The following CSGALNACT1 variants were observed in gnomAD, a reference collection of about 807,000 sequenced individuals.
CSGALNACT1 encodes the protein chondroitin sulfate N-acetylgalactosaminyltransferase 1.
Under a neutral mutation model 51.0 loss-of-function variants are expected in CSGALNACT1, and 52 were observed. The ratio of observed to expected loss-of-function variants is 1.02; its 90% CI spans 0.82 to 1.29. The LOEUF is 1.29. CSGALNACT1 is among the 50% of genes most tolerant of loss of function. The pLI is 0.00. For missense variants in CSGALNACT1, 935 were observed against 679.2 expected (o/e 1.38, Z -4.19); for synonymous variants, 341 against 254.4 (o/e 1.34, Z -3.24).
chr8:19,440,975 C>A (rs962866424), intron 5 of CSGALNACT1, among the ~76,000 whole-genome samples: 2 of 152,070 alleles, frequency 1.3e-5, no homozygotes, highest in African/African-American at 4.8e-5. Context: ...ACAATTGCTT[C>A]AAAGAGAATA....
intron 1 of CSGALNACT1, among the ~76,000 whole-genome samples, chr8:19,747,858 T>G (rs930680965): frequency 1.3e-5 from 2 of 151,938 alleles, no homozygotes; most frequent in Admixed American, 6.6e-5. Context: ...AGACTCAAAC[T>G]CAGCTTTCTC....
intron 4 of CSGALNACT1, among the ~76,000 whole-genome samples, chr8:19,490,654 T>C (rs570146316): frequency 2.6e-5 from 4 of 152,268 alleles, no homozygotes; most frequent in African/African-American, 9.6e-5. Flanking sequence ...TGGACACCTG[T>C]AGTCTCCATC....
At chr8:19,727,740 G>T (rs1253133888) in intron 1 of CSGALNACT1, among the ~76,000 whole-genome samples, 1 of 152,054 alleles carries the variant, frequency 6.6e-6, no homozygotes, top group African/African-American at 2.4e-5. Context: ...CTAACACCAT[G>T]GCTGGGTGAC....
At chr8:19,617,050 G>C (rs2154156700) in intron 1 of CSGALNACT1, among the ~76,000 whole-genome samples, 1 of 152,294 alleles carries the variant, frequency 6.6e-6, no homozygotes, top group South Asian at 2.1e-4. Context: ...CCCTGAGCTT[G>C]TTTTCCTGTA....
chr8:19,678,400 A>G (rs910519880), intron 1 of CSGALNACT1, among the ~76,000 whole-genome samples: 3 of 152,214 alleles, frequency 2.0e-5, no homozygotes, highest in African/African-American at 7.2e-5. Context: ...AAATGATTCC[A>G]GGATAAGTCA....
intron 1 of CSGALNACT1, among the ~76,000 whole-genome samples, chr8:19,669,622 TTTTG>T (rs887805554): frequency 2.6e-5 from 4 of 151,786 alleles, no homozygotes; most frequent in African/African-American, 7.3e-5. Flanking sequence ...CTGGCCAGTT[TTTTG>T]TTTGTTTGTT....
chr8:19,583,188 C>A (rs2045944893), intron 3 of CSGALNACT1, among the ~76,000 whole-genome samples: 1 of 151,850 alleles, frequency 6.6e-6, no homozygotes, highest in East Asian at 1.9e-4. Context: ...AAAAAAAAAT[C>A]CATTATTCTC....
intron 8 of CSGALNACT1, among the ~76,000 whole-genome samples, chr8:19,418,351 A>G (rs1187163236): frequency 2.6e-5 from 4 of 152,208 alleles, no homozygotes; most frequent in Non-Finnish European, 5.9e-5. Context: ...GCAAAAATCA[A>G]GAGAAACTGT....
upstream of CSGALNACT1, among the ~76,000 whole-genome samples, chr8:19,686,575 G>A (rs975861427): frequency 2.6e-5 from 4 of 152,170 alleles, no homozygotes; most frequent in African/African-American, 9.7e-5. Flanking sequence ...CACATAGAAG[G>A]CAAGTCCCAG....
chr8:19,469,354 G>A (rs564193077), intron 4 of CSGALNACT1, among the ~76,000 whole-genome samples: 1 of 152,234 alleles, frequency 6.6e-6, no homozygotes, highest in African/African-American at 2.4e-5. Flanking sequence ...GTGCACCACT[G>A]CACTGCAGCC....
intron 5 of CSGALNACT1, among the ~76,000 whole-genome samples, chr8:19,442,974 T>C (rs1019450633): frequency 6.6e-6 from 1 of 152,128 alleles, no homozygotes; most frequent in African/African-American, 2.4e-5. Context: ...GCAGATATCA[T>C]CACCTTCACC....
At chr8:19,626,200 A>T (rs1224173604) in intron 1 of CSGALNACT1, among the ~76,000 whole-genome samples, 1 of 152,234 alleles carries the variant, frequency 6.6e-6, no homozygotes, top group Non-Finnish European at 1.5e-5. Flanking sequence ...TCAACACAGC[A>T]TGGTATTTGC....
intron 1 of CSGALNACT1, among the ~76,000 whole-genome samples, chr8:19,751,264 G>A (rs762133154): frequency 9.2e-5 from 14 of 152,018 alleles, no homozygotes; most frequent in South Asian, 4.1e-4. Context: ...AAATCTTAGC[G>A]TTCTCATCCG....
At chr8:19,686,818 G>T (rs903757946), upstream of CSGALNACT1, among the ~76,000 whole-genome samples, 2 of 152,148 alleles carry the variant, frequency 1.3e-5, no homozygotes, top group South Asian at 4.1e-4. Flanking sequence ...ACTGCCCTGG[G>T]AAAGTAACAG....
chr8:19,567,528 C>G (rs1373512934), intron 3 of CSGALNACT1, among the ~76,000 whole-genome samples: 1 of 152,190 alleles, frequency 6.6e-6, no homozygotes, highest in African/African-American at 2.4e-5. Flanking sequence ...AGACATTACA[C>G]TTATTGGGGA....
At position 19,588,740 on chromosome 8, in the gene CSGALNACT1, C is replaced by A. The variant is rs190504889; in HGVS notation, c.-297+2420G>T. Among the ~76,000 whole-genome samples the A allele has an allele frequency of 1.3e-4, 20 of 152,218 alleles. 1 individual carries two copies. In the East Asian group the frequency reaches 2.3e-3, roughly 18 times the overall value. ...AAGGTTGGCACTGAAAGAAATTATT[C>A]CAGCTGCTCTGTGCATGACATGAGT... is the stretch of plus-strand genomic sequence containing the variant. On this transcript the variant is annotated intron_variant, in intron 3 of 9. Coordinates refer to ENST00000454498, the Ensembl canonical transcript of CSGALNACT1.
chr8:19,535,388 G>C (rs942979917), intron 3 of CSGALNACT1, among the ~76,000 whole-genome samples: 1 of 152,062 alleles, frequency 6.6e-6, no homozygotes, highest in Non-Finnish European at 1.5e-5. Flanking sequence ...TACTCCAAAA[G>C]AGCAGTGAAA....
intron 1 of CSGALNACT1, among the ~76,000 whole-genome samples, chr8:19,644,603 G>C (rs1329331891): frequency 1.3e-5 from 2 of 151,076 alleles, no homozygotes; most frequent in African/African-American, 4.9e-5. Flanking sequence ...CCAGCTACTT[G>C]GGAGACTGAG....
intron 2 of CSGALNACT1, among the ~76,000 whole-genome samples, chr8:19,591,914 C>T (rs1010827725): frequency 7.2e-5 from 11 of 152,120 alleles, no homozygotes; most frequent in African/African-American, 2.4e-4. Context: ...ACCTTAATTG[C>T]ATCATCAAAA....
Sources: gnomAD v4.1 joint callset for allele counts (sites outside exome capture counted in the v4.1 genomes callset) on GRCh38, gnomAD v4.1.1 for gene constraint, MANE v1.5 for transcripts, NCBI Gene and HGNC (gene_info 2026-07-23, HGNC 2026-07-21) for gene names.